Variants in TBC1D32 observed in about 807,000 individuals in gnomAD.
The protein encoded by TBC1D32 is TBC1 domain family member 32.
Under a neutral mutation model 170.3 loss-of-function variants are expected in TBC1D32, and 151 were observed. That is an observed-to-expected ratio of 0.89 (90% CI 0.78 to 1.01). The LOEUF is 1.01. Among genes scored for constraint, TBC1D32 ranks in the 50% least tolerant of loss-of-function variants. The probability of loss-of-function intolerance (pLI) is 0.00; values close to 1 mark genes in which losing one functional copy is unlikely to be tolerated. For synonymous variants in TBC1D32, 498 were observed against 488.0 expected, an observed-to-expected ratio of 1.02 and a Z score of -0.27; for missense variants, 1,464 against 1,457.1, an observed-to-expected ratio of 1.00 and a Z score of -0.08.
At chr6:121,142,976 C>G (rs1782987365) in intron 24 of TBC1D32, among the ~76,000 whole-genome samples, 1 of 152,080 alleles carries the variant, frequency 6.6e-6, no homozygotes, top group Admixed American at 6.6e-5. Context: ...CTATTCTTTT[C>G]CACCCAATCT....
chr6:121,327,349 T>A (rs1810587949), intron 1 of TBC1D32, among the ~76,000 whole-genome samples: 1 of 152,206 alleles, frequency 6.6e-6, no homozygotes, highest in African/African-American at 2.4e-5. Flanking sequence ...TTTCCTACAT[T>A]GTAATCCTGA....
At chr6:121,146,293 T>A (rs142753860) in intron 24 of TBC1D32, among the ~76,000 whole-genome samples, 254 of 152,254 alleles carry the variant, frequency 1.7e-3, no homozygotes, top group African/African-American at 5.4e-3. Flanking sequence ...AAGGGAGAAC[T>A]GCTAGAAGCA....
At chr6:121,273,402 A>C (rs998555870) in intron 15 of TBC1D32, among the ~76,000 whole-genome samples, 2 of 151,178 alleles carry the variant, frequency 1.3e-5, no homozygotes, top group Non-Finnish European at 2.9e-5. Context: ...AGAAAACCAA[A>C]CACTGCATGT....
chr6:121,099,497 C>T (rs1471193392), intron 30 of TBC1D32, among the ~76,000 whole-genome samples: 2 of 151,792 alleles, frequency 1.3e-5, no homozygotes, highest in Non-Finnish European at 2.9e-5. Context: ...CTGTGTATTT[C>T]ATTTAGCAAT....
intron 17 of TBC1D32, among the ~76,000 whole-genome samples, chr6:121,249,521 A>T (rs998341762): frequency 6.6e-6 from 1 of 152,058 alleles, no homozygotes; most frequent in Non-Finnish European, 1.5e-5. Context: ...AGAGGAAGTC[A>T]AACTGTCACT....
intron 17 of TBC1D32, among the ~76,000 whole-genome samples, chr6:121,248,689 A>T (rs1184493307): frequency 1.3e-5 from 2 of 151,920 alleles, no homozygotes; most frequent in Non-Finnish European, 2.9e-5. Context: ...TATGTGCACA[A>T]ACTAGAAAAT....
intron 1 of TBC1D32, among the ~76,000 whole-genome samples, chr6:121,333,730 G>A (rs576387779): frequency 1.1e-4 from 17 of 152,238 alleles, no homozygotes; most frequent in Admixed American, 9.2e-4. Flanking sequence ...GGTGAGGCGC[G>A]GGGGAATGGA....
chr6:121,320,575 T>C (rs536076505), intron 2 of TBC1D32, among the ~76,000 whole-genome samples: 3 of 152,138 alleles, frequency 2.0e-5, no homozygotes, highest in Non-Finnish European at 4.4e-5. Flanking sequence ...ATTCTGTTTT[T>C]GGTTTTCTCA....
intron 14 of TBC1D32, 145 bp from the exon 15 acceptor site, chr6:121,279,390 T>G: frequency 1.0e-6 from 1 of 961,818 alleles, no homozygotes; most frequent in Non-Finnish European, 1.5e-6. Flanking sequence ...GGCTGTGAAA[T>G]AATATGTCTG....
intron 17 of TBC1D32, among the ~76,000 whole-genome samples, chr6:121,247,659 T>C (rs1440914541): frequency 7.6e-5 from 8 of 105,820 alleles, no homozygotes; most frequent in Non-Finnish European, 1.5e-4. Context: ...CAAGTAGAAG[T>C]AGCTATTCTT....
At chr6:121,214,122 T>C (rs978157544) in intron 21 of TBC1D32, among the ~76,000 whole-genome samples, 2 of 152,122 alleles carry the variant, frequency 1.3e-5, no homozygotes, top group East Asian at 1.9e-4. Flanking sequence ...TTATATCATA[T>C]ACAAAAATTA....
At chr6:121,157,721 G>A (rs552504578) in intron 24 of TBC1D32, among the ~76,000 whole-genome samples, 1 of 152,154 alleles carries the variant, frequency 6.6e-6, no homozygotes, top group South Asian at 2.1e-4. Flanking sequence ...TCCCTTAGTA[G>A]TTGCTTATCT....
chr6:121,139,039 G>T (rs1309888664), intron 24 of TBC1D32, among the ~76,000 whole-genome samples: 1 of 151,882 alleles, frequency 6.6e-6, no homozygotes, highest in Non-Finnish European at 1.5e-5. Context: ...GTAGAGACAG[G>T]GTTTCACTGT....
At chr6:121,283,335 T>A (rs1009654467) in intron 13 of TBC1D32, among the ~76,000 whole-genome samples, 3 of 151,858 alleles carry the variant, frequency 2.0e-5, no homozygotes, top group Non-Finnish European at 4.4e-5. Flanking sequence ...TCAACAGCCA[T>A]AAAACTAAAA....
chr6:121,122,242 C>T (rs1291486593), intron 26 of TBC1D32, among the ~76,000 whole-genome samples: 2 of 152,036 alleles, frequency 1.3e-5, no homozygotes, highest in African/African-American at 4.8e-5. Context: ...ATCCTCATCT[C>T]AGCCATTCCT....
chr6:121,093,062 A>C (rs113885562), intron 30 of TBC1D32, among the ~76,000 whole-genome samples: 2,184 of 152,252 alleles, frequency 0.014, 13 homozygotes, highest in Middle Eastern at 0.031. Context: ...AGAGCCCATA[A>C]GTTTTAACTC....
intron 25 of TBC1D32, among the ~76,000 whole-genome samples, chr6:121,127,361 CATA>C (rs1254531493): frequency 4.6e-5 from 7 of 152,116 alleles, no homozygotes; most frequent in Non-Finnish European, 8.8e-5. Flanking sequence ...AGCTCTATCT[CATA>C]ATATTTTAAT....
intron 24 of TBC1D32, among the ~76,000 whole-genome samples, chr6:121,143,143 G>C (rs1055760648): frequency 4.6e-5 from 7 of 152,118 alleles, no homozygotes; most frequent in Non-Finnish European, 7.4e-5. Context: ...TCAGGTAACA[G>C]AGAAATGATA....
chr6:121,152,833 T>C (rs972573770), intron 24 of TBC1D32, among the ~76,000 whole-genome samples: 1 of 152,148 alleles, frequency 6.6e-6, no homozygotes, highest in Admixed American at 6.6e-5. Context: ...TTTCTCGTGC[T>C]GTGTTTTTCA....
Sources: gnomAD v4.1 joint callset for allele counts (sites outside exome capture counted in the v4.1 genomes callset) on GRCh38, gnomAD v4.1.1 for gene constraint, MANE v1.5 for transcripts, NCBI Gene and HGNC (gene_info 2026-07-23, HGNC 2026-07-21) for gene names.